MUC21: variants seen among roughly 807,000 people sequenced by gnomAD.
The protein encoded by MUC21 is mucin 21, cell surface associated.
Under a neutral mutation model 9.1 loss-of-function variants are expected in MUC21, and 8 were observed. The ratio of observed to expected loss-of-function variants is 0.88; its 90% confidence interval spans 0.52 to 1.59. The LOEUF (loss-of-function observed/expected upper bound fraction) is 1.59, where lower values mean the gene tolerates loss of function less well. Among genes scored for constraint, MUC21 ranks in the 40% most tolerant of loss-of-function variants. MUC21 has a pLI of 0.00. For synonymous variants in MUC21, 189 were observed against 275.2 expected, an observed-to-expected ratio of 0.69 and a Z score of 3.10; for missense variants, 478 against 694.2, an observed-to-expected ratio of 0.69 and a Z score of 3.50.
chr6:30,984,392 G>A (rs1054122032), intron 1 of MUC21, among the ~76,000 whole-genome samples: 5 of 152,148 alleles, frequency 3.3e-5, no homozygotes, highest in South Asian at 2.1e-4. Context: ...CTCTTCTGGC[G>A]GGGTGCGGTG....
In MUC21 at chr6:30,988,414, A is replaced by G; in HGVS notation, c.*220A>G. The G allele has an allele frequency of 1.9e-6, 1 of 519,064 alleles. No homozygotes were observed. The highest frequency in any genetic ancestry group is 3.4e-6 in the Non-Finnish European group (1 of 298,352). 32.2% of individuals were successfully genotyped at this position (519,064 alleles called of 1,614,324 possible). ...AAGAAATAAATACATCTCATCTAAC[A>G]CACACGACAAAGAGAAGCTGTGCGT... On this transcript the variant is annotated 3_prime_UTR_variant, in exon 3 of 3. Transcript: ENST00000376296.
rs72857816 is a variant in MUC21, at chr6:30,987,636, G to C, written c.1461G>C (p.Ser487=). 4,012 of 1,614,184 alleles carry C rather than the reference G, an allele frequency of 2.5e-3. 8 individuals carry two copies. Among genetic ancestry groups the C allele is most frequent in the Non-Finnish European group, 2.4e-3 (2,863 of 1,180,028 alleles). Residue 487 remains serine (S), a synonymous_variant, in exon 2 of 3, where the codon TCG becomes TCC. Transcript: ENST00000376296. The stretch of plus-strand genomic sequence containing the variant: ...AAATCTTCCTCATCACCCTGGTCTC[G>C]GTTGTGGCGGCCGTGGGGCTCTTTG... ...PWEIFLITLV[S]VVAAVGLFAG...
chr6:30,983,800 C>T lies in MUC21; in HGVS notation c.-159C>T, dbSNP rs1762137721. 1 of 554,004 alleles carries T rather than the reference C, an allele frequency of 1.8e-6. No homozygotes were observed. The allele number at this position is 554,004 out of a possible 1,614,324, so 34.3% of individuals were successfully genotyped here. A position where few individuals can be genotyped will look rare whatever the true frequency, so the allele number is the denominator to read the frequency against. On this transcript the variant is annotated 5_prime_UTR_variant, in exon 1 of 3. Coordinates refer to ENST00000376296, the MANE Select transcript of MUC21 (RefSeq NM_001010909.5). The stretch of plus-strand genomic sequence containing the variant: ...GCCCACGCCTGAGTCCAAGATTCTT[C>T]CCAGGAACACAAACGTAGGAGACCC...
chr6:30,986,207 T>C (rs1171910505), intron 1 of MUC21, 30 bp from the exon 2 acceptor site: 3 of 1,571,494 alleles, frequency 1.9e-6, no homozygotes, highest in Non-Finnish European at 2.6e-6. Context: ...ATACACACAA[T>C]ATATATTTGT....
intron 1 of MUC21, among the ~76,000 whole-genome samples, chr6:30,984,690 T>C (rs1762174954): frequency 6.6e-6 from 1 of 150,690 alleles, no homozygotes. Context: ...AATAATAAAA[T>C]AAGGCCAGGC....
At position 30,987,556 on chromosome 6, in the gene MUC21, A is replaced by G. The variant is rs202105672; in HGVS notation, c.1381A>G (p.Ser461Gly). 6.2e-7 allele frequency: 1 copy of G among 1,614,252 alleles called. No homozygotes were observed. The highest frequency in any genetic ancestry group is 1.3e-5 in the African/African-American group (1 of 75,064). The change falls in exon 2 of 3, where the codon AGT (serine) becomes GGT (glycine). Residue 461 changes from serine (S) to glycine (G), a missense_variant. By Grantham distance (56) the Ser-to-Gly change is moderately conservative (BLOSUM62 0). Transcript: ENST00000376296. ...GACTGGAATGCACACAACTTCCCAT[A>G]GTGCATCTACTGCAGTGAGTGAGGC... ...ALTGMHTTSH[S>G]ASTAVSEAKP... is the part of the protein sequence containing the mutation.
chr6:30,988,273 C>A lies in MUC21; in HGVS notation c.*79C>A. 7.7e-7 allele frequency: 1 copy of A among 1,300,760 alleles called. No individual in the cohort carries two copies. The allele number at this position is 1,300,760 out of a possible 1,614,324, so 80.6% of individuals were successfully genotyped here. On this transcript the variant is annotated 3_prime_UTR_variant, in exon 3 of 3. Transcript: ENST00000376296. ...CAAGACCTGGTTTCCTTTCATTCAT[C>A]CCAGGAGACCCCTCCCAGCTTTGTT...
chr6:30,987,107 G>C lies in MUC21; in HGVS notation c.932G>C (p.Gly311Ala), dbSNP rs1191398271. 11 of 1,574,768 alleles carry C rather than the reference G, an allele frequency of 7.0e-6. No homozygotes were observed. The highest frequency in any genetic ancestry group is 9.5e-6 in the Non-Finnish European group (11 of 1,154,116). The change falls in exon 2 of 3, where the codon GGG becomes GCG. Residue 311 changes from glycine (G) to alanine (A), a missense_variant. Gly to Ala is a moderately conservative substitution (Grantham distance 60). Transcript: ENST00000376296. Reference sequence around the variant, plus strand: ...TCTGAGTCCAGTACGACCTCCAGTGGGGCCAACACAGCCACCAACTCTGAC... The same window carrying C: ...TCTGAGTCCAGTACGACCTCCAGTGCGGCCAACACAGCCACCAACTCTGAC... ...TNSESSTTSS[G>A]ANTATNSDSS... is the part of the protein sequence containing the mutation.
Position 30,986,422 on chromosome 6 carries a change from A to G in MUC21, c.247A>G (p.Thr83Ala), listed in dbSNP as rs756600597. Residue 83 changes from threonine (T) to alanine (A), a missense_variant, in exon 2 of 3, where the codon ACC (threonine) becomes GCC (alanine). By Grantham distance (58) the Thr-to-Ala change is moderately conservative. Coordinates refer to ENST00000376296, the MANE Select transcript of MUC21 (RefSeq NM_001010909.5). ...AGTCACCAACTCTGAGTTCCATACA[A>G]CCTCCAGTGGGATCAGCACAGCCAC... is the stretch of plus-strand genomic sequence containing the variant. Reference protein sequence around the residue: ...SIVTNSEFHTTSSGISTATNS... With the variant: ...SIVTNSEFHTASSGISTATNS... 2 of 1,613,140 alleles carry G rather than the reference A, an allele frequency of 1.2e-6. No individual in the cohort carries two copies. Among genetic ancestry groups the G allele is most frequent in the Non-Finnish European group, 1.7e-6 (2 of 1,179,672 alleles).
In MUC21 at chr6:30,986,853, C is replaced by T; in HGVS notation, c.678C>T (p.Thr226=). The T allele has an allele frequency of 1.3e-6, 2 of 1,590,314 alleles. No individual in the cohort carries two copies. The highest frequency in any genetic ancestry group is 1.7e-6 in the Non-Finnish European group (2 of 1,167,182). ...CCTCCAATGGGGCTGGCACAGCCAC[C>T]AACTCTGAGTCCAGCACGACCTCCA... is the stretch of plus-strand genomic sequence containing the variant. ...RTTSNGAGTA[T]NSESSTTSSG... The change falls in exon 2 of 3, where the codon ACC becomes ACT. Residue 226 remains threonine, a synonymous_variant. Transcript: ENST00000376296.
Position 30,987,651 on chromosome 6 carries a change from G to GGGGCCCTTTGCT in MUC21, c.1480_1481insCCTTTGCTGGGC (p.Gly493_Leu494insProPheAlaGly). 6.2e-7 allele frequency: 1 copy of GGGGCCCTTTGCT among 1,614,016 alleles called. No individual in the cohort carries two copies. The highest frequency in any genetic ancestry group is 8.5e-7 in the Non-Finnish European group (1 of 1,180,014). ...CCCTGGTCTCGGTTGTGGCGGCCGT[G>GGGGCCCTTTGCT]GGGCTCTTTGCTGGGCTCTTCTTCT... On this transcript the variant is annotated inframe_insertion, in exon 2 of 3. Transcript: ENST00000376296.
Position 30,988,269 on chromosome 6 carries a change from T to C in MUC21, c.*75T>C. ...CACCCAAGACCTGGTTTCCTTTCAT[T>C]CATCCCAGGAGACCCCTCCCAGCTT... On this transcript the variant is annotated 3_prime_UTR_variant, in exon 3 of 3. Coordinates refer to ENST00000376296, the MANE Select transcript of MUC21 (RefSeq NM_001010909.5). The C allele has an allele frequency of 7.1e-7, 1 of 1,405,508 alleles. No individual in the cohort carries two copies. Among genetic ancestry groups the C allele is most frequent in the Non-Finnish European group, 9.5e-7 (1 of 1,047,506 alleles). 87.1% of individuals were successfully genotyped at this position (1,405,508 alleles called of 1,614,324 possible). A position where few individuals can be genotyped will look rare whatever the true frequency, so the allele number is the denominator to read the frequency against.
Position 30,988,245 on chromosome 6 carries a change from A to G in MUC21, c.*51A>G. 1 of 1,517,608 alleles carries G rather than the reference A, an allele frequency of 6.6e-7. No individual in the cohort carries two copies. Among genetic ancestry groups the G allele is most frequent in the Non-Finnish European group, 8.9e-7 (1 of 1,129,370 alleles). 94.0% of individuals were successfully genotyped at this position (1,517,608 alleles called of 1,614,324 possible). A position where few individuals can be genotyped will look rare whatever the true frequency, so the allele number is the denominator to read the frequency against. On this transcript the variant is annotated 3_prime_UTR_variant, in exon 3 of 3. Coordinates refer to ENST00000376296, the MANE Select transcript of MUC21 (RefSeq NM_001010909.5). ...TCTTCAGGAAGGAAGAGACCTGGGC[A>G]CCCAAGACCTGGTTTCCTTTCATTC...
Position 30,984,012 on chromosome 6 carries a change from A to C in MUC21, c.54A>C (p.Leu18Phe). 1.3e-6 allele frequency: 1 copy of C among 779,866 alleles called. No homozygotes were observed. The highest frequency in any genetic ancestry group is 1.3e-5 in the South Asian group (1 of 74,592). 48.3% of individuals were successfully genotyped at this position (779,866 alleles called of 1,614,324 possible). Residue 18 changes from leucine to phenylalanine, a missense_variant, in exon 1 of 3, where the codon TTA becomes TTC. This residue lies in a region of MUC21 where 110 missense variants were observed against 108.3 expected (regional missense o/e 1.02). Transcript: ENST00000376296. ...VLLMFGLLLH[L>F]EAATNSNETS... The stretch of plus-strand genomic sequence containing the variant: ...TTATGTTTGGTCTACTATTGCATTT[A>C]GAAGCTGGTGAGTGATTTTATTTAA...
At chr6:30,986,074 C>T (rs757591533) in intron 1 of MUC21, 163 bp from the exon 2 acceptor site, 65 of 766,024 alleles carry the variant, frequency 8.5e-5, no homozygotes, top group Admixed American at 2.0e-4. Context: ...CCAGTATCAA[C>T]ATTTTGAAGC....
chr6:30,987,498 T>G lies in MUC21; in HGVS notation c.1323T>G (p.Ser441Arg). ...GANTATNSGS[S>R]VTSAGSGTAA... Reference sequence around the variant, plus strand: ...ACACAGCCACCAACTCTGGGTCCAGTGTGACCTCTGCAGGCTCTGGAACAG... The same window carrying G: ...ACACAGCCACCAACTCTGGGTCCAGGGTGACCTCTGCAGGCTCTGGAACAG... The change falls in exon 2 of 3, where the codon AGT becomes AGG. Residue 441 changes from serine (S) to arginine (R), a missense_variant. Around this residue, in one of 5 missense-constraint regions of MUC21, gnomAD observed 158 missense variants for 192.6 expected, o/e 0.82. Transcript: ENST00000376296. 6.2e-7 allele frequency: 1 copy of G among 1,614,194 alleles called. No individual in the cohort carries two copies. Among genetic ancestry groups the G allele is most frequent in the African/African-American group, 1.3e-5 (1 of 75,058 alleles).
rs758203872 is a variant in MUC21 at position 30,988,072 on chromosome 6, G to C, written c.1579G>C (p.Gly527Arg). Residue 527 changes from glycine (G) to arginine (R), a missense_variant, in exon 3 of 3, where the codon GGT becomes CGT. Gly to Arg is a moderately radical substitution (Grantham distance 125, BLOSUM62 -2). Coordinates refer to ENST00000376296, the MANE Select transcript of MUC21 (RefSeq NM_001010909.5). ...CCCTCATGGCCTCAACCATGGCCTT[G>C]GTCCAGGCCCTGGAGGGAATCATGG... ...YHPHGLNHGL[G>R]PGPGGNHGAP... The C allele has an allele frequency of 1.3e-6, 2 of 1,593,086 alleles. No individual in the cohort carries two copies. Among genetic ancestry groups the C allele is most frequent in the Admixed American group, 1.7e-5 (1 of 59,988 alleles).
At chr6:30,987,715 G>C in intron 2 of MUC21, 34 bp downstream of exon 2, 1 of 1,600,746 alleles carries the variant, frequency 6.2e-7, no homozygotes, top group Non-Finnish European at 8.5e-7. Flanking sequence ...ATGCCTGGGG[G>C]AAGGAGCAGC....
At chr6:30,985,784 T>A (rs1252463902) in intron 1 of MUC21, among the ~76,000 whole-genome samples, 1 of 152,198 alleles carries the variant, frequency 6.6e-6, no homozygotes, top group Non-Finnish European at 1.5e-5. Context: ...AACTTTTTTT[T>A]ATTTTTTATT....
Sources: gnomAD v4.1 joint callset for allele counts (sites outside exome capture counted in the v4.1 genomes callset) on GRCh38, gnomAD v4.1.1 for gene constraint, gnomAD v4.1.1 regional missense constraint, MANE v1.5 for transcripts, NCBI Gene and HGNC (gene_info 2026-07-23, HGNC 2026-07-21) for gene names.